MCTP2: variants seen among roughly 807,000 people sequenced by gnomAD.
The protein encoded by MCTP2 is multiple C2 and transmembrane domain containing 2, also known as multiple C2 and transmembrane domain-containing protein 2.
Under a neutral mutation model 111.6 loss-of-function variants are expected in MCTP2, and 132 were observed. The ratio of observed to expected loss-of-function variants is 1.18; its 90% confidence interval spans 1.03 to 1.37. The LOEUF (loss-of-function observed/expected upper bound fraction) is 1.37. MCTP2 is among the 40% of genes most tolerant of loss of function. The pLI is 0.00. For synonymous variants in MCTP2, 395 were observed against 387.7 expected, an observed-to-expected ratio of 1.02 and a Z score of -0.22; for missense variants, 1,183 against 1,067.9, an observed-to-expected ratio of 1.11 and a Z score of -1.50.
rs71132992 is a variant in MCTP2 at position 94,236,377 on chromosome 15, CTTTTTTTTTTTTTT to C, written c.-66+4728_-66+4741del. 9.7e-5 allele frequency among the ~76,000 whole-genome samples: 7 copies of C among 72,464 alleles called. No individual in the cohort carries two copies. The East Asian group carries it at 1.9e-3, about 19-fold the overall frequency. 47.5% of individuals were successfully genotyped at this position (72,464 alleles called of 152,430 possible). On this transcript the variant is annotated intron_variant, in intron 1 of 22. Transcript: ENST00000357742. ...TATGATTCAATCCTTTCTTTTTTTT[CTTTTTTTTTTTTTT>C]TTTTTTTTTTTTTTACGAAATAGCC... is the stretch of plus-strand genomic sequence containing the variant.
At chr15:94,458,083 C>T (rs2084948508) in intron 19 of MCTP2, 54 bp from the exon 20 acceptor site, 1 of 942,984 alleles carries the variant, frequency 1.1e-6, no homozygotes, top group East Asian at 2.4e-5. Context: ...TTTTCTGTAT[C>T]AGCATGATAA....
intron 1 of MCTP2, among the ~76,000 whole-genome samples, chr15:94,243,005 A>G (rs1567248870): frequency 9.6e-5 from 9 of 93,876 alleles, no homozygotes; most frequent in Non-Finnish European, 1.4e-4. Context: ...GTGTATCTAC[A>G]CATACACGTG....
intron 1 of MCTP2, among the ~76,000 whole-genome samples, chr15:94,279,021 C>CT (rs1279663168): frequency 1.3e-5 from 2 of 152,206 alleles, no homozygotes; most frequent in African/African-American, 4.8e-5. Context: ...TTGCTATAGC[C>CT]TTGCAGTATA....
chr15:94,422,675 T>C (rs939677861), intron 17 of MCTP2, among the ~76,000 whole-genome samples: 3 of 152,322 alleles, frequency 2.0e-5, no homozygotes, highest in African/African-American at 2.4e-5. Flanking sequence ...CACTGTGACA[T>C]ACAGGATTTT....
rs2080141779 is a variant in MCTP2, at chr15:94,381,598, G to A, written c.1583-2424G>A. On this transcript the variant is annotated intron_variant, in intron 12 of 22. Transcript: ENST00000357742. ...AGGGTTTTCATTAAAAGTGTCAGAC[G>A]GTTTCCCTGGAGCAACTGCTGATGG... 3.3e-5 allele frequency among the ~76,000 whole-genome samples: 5 copies of A among 152,162 alleles called. No homozygotes were observed. In the South Asian group the frequency reaches 1.0e-3, roughly 32 times the overall value.
At chr15:94,441,269 C>T (rs1479074470) in intron 18 of MCTP2, among the ~76,000 whole-genome samples, 1 of 152,132 alleles carries the variant, frequency 6.6e-6, no homozygotes, top group East Asian at 1.9e-4. Context: ...TTTCAAAATT[C>T]TATTCTGTTT....
intron 17 of MCTP2, among the ~76,000 whole-genome samples, chr15:94,418,217 A>G (rs1313753736): frequency 6.6e-6 from 1 of 152,128 alleles, no homozygotes; most frequent in Non-Finnish European, 1.5e-5. Flanking sequence ...TGCTTTGTCC[A>G]CTTACAGTCC....
At chr15:94,345,703 C>T (rs1036154251) in intron 8 of MCTP2, among the ~76,000 whole-genome samples, 18 of 151,964 alleles carry the variant, frequency 1.2e-4, no homozygotes, top group Admixed American at 6.5e-4. Flanking sequence ...TTATAAAAGG[C>T]GCAAGAATGC....
At chr15:94,276,974 A>T (rs754542565) in intron 1 of MCTP2, among the ~76,000 whole-genome samples, 58 of 148,952 alleles carry the variant, frequency 3.9e-4, no homozygotes, top group Non-Finnish European at 1.0e-4. Context: ...AAATTAAGTG[A>T]CTTGAAAAAG....
intron 1 of MCTP2, among the ~76,000 whole-genome samples, chr15:94,239,995 C>T (rs1379353716): frequency 2.6e-5 from 4 of 152,074 alleles, no homozygotes; most frequent in African/African-American, 9.7e-5. Context: ...ACTATGAGCC[C>T]AAGATCCAGA....
intron 4 of MCTP2, among the ~76,000 whole-genome samples, chr15:94,322,593 A>T (rs1372017469): frequency 6.6e-6 from 1 of 152,200 alleles, no homozygotes; most frequent in Non-Finnish European, 1.5e-5. Context: ...AAGTTTGTTG[A>T]CCTCTGCCTA....
At chr15:94,351,758 G>A (rs1299872755) in intron 8 of MCTP2, among the ~76,000 whole-genome samples, 1 of 152,160 alleles carries the variant, frequency 6.6e-6, no homozygotes, top group East Asian at 1.9e-4. Flanking sequence ...AGAGTATTTT[G>A]GAGAATTATC....
At chr15:94,445,738 C>A (rs562741310) in intron 19 of MCTP2, among the ~76,000 whole-genome samples, 1 of 152,300 alleles carries the variant, frequency 6.6e-6, no homozygotes, top group East Asian at 1.9e-4. Context: ...ACATGACAGA[C>A]CATGCTTCTG....
chr15:94,257,884 C>CA (rs2072926521), intron 1 of MCTP2, among the ~76,000 whole-genome samples: 1 of 149,898 alleles, frequency 6.7e-6, no homozygotes, highest in African/African-American at 2.5e-5. Flanking sequence ...CGTGCCTGGC[C>CA]CATTTTCTTT....
chr15:94,275,443 G>C (rs1040152100), intron 1 of MCTP2, among the ~76,000 whole-genome samples: 32 of 152,118 alleles, frequency 2.1e-4, no homozygotes, highest in African/African-American at 7.2e-5. Context: ...ACTTTTATAT[G>C]CTAGTAATAA....
intron 4 of MCTP2, among the ~76,000 whole-genome samples, chr15:94,329,890 A>C (rs975616568): frequency 1.3e-5 from 2 of 152,162 alleles, no homozygotes; most frequent in Non-Finnish European, 2.9e-5. Flanking sequence ...TCCTCATCGT[A>C]TGGTAGGTCT....
intron 4 of MCTP2, among the ~76,000 whole-genome samples, chr15:94,319,092 TACCCC>T (rs2076512858): frequency 6.6e-6 from 1 of 150,720 alleles, no homozygotes; most frequent in Non-Finnish European, 1.5e-5. Context: ...GTTAAGAAAA[TACCCC>T]ACTCTTTCAA....
At chr15:94,464,618 T>C (rs1596815392) in intron 20 of MCTP2, among the ~76,000 whole-genome samples, 1 of 151,956 alleles carries the variant, frequency 6.6e-6, no homozygotes, top group East Asian at 1.9e-4. Context: ...TTATTTTCAG[T>C]CTTTCTTCTT....
At chr15:94,471,205 C>T (rs576164806) in intron 21 of MCTP2, among the ~76,000 whole-genome samples, 11 of 152,260 alleles carry the variant, frequency 7.2e-5, no homozygotes, top group Admixed American at 4.6e-4. Context: ...AGCAGTTAGC[C>T]GTTCTCCGTA....
Sources: gnomAD v4.1 joint callset for allele counts (sites outside exome capture counted in the v4.1 genomes callset) on GRCh38, gnomAD v4.1.1 for gene constraint, MANE v1.5 for transcripts, NCBI Gene and HGNC (gene_info 2026-07-23, HGNC 2026-07-21) for gene names.